The following EMC4 variants were observed in gnomAD, a reference collection of about 807,000 sequenced individuals.
EMC4 encodes the protein cell proliferation-inducing gene 17 protein.
A neutral mutation model predicts 24.2 loss-of-function variants in EMC4; 9 were observed. That is an observed-to-expected ratio of 0.37 (90% CI 0.22 to 0.65). The LOEUF is 0.65. EMC4 is among the 30% of genes least tolerant of loss of function. The pLI, the probability that EMC4 is intolerant of heterozygous loss-of-function variation, is 0.59. For synonymous variants in EMC4, 86 were observed against 81.1 expected, an observed-to-expected ratio of 1.06 and a Z score of -0.32; for missense variants, 169 against 234.6, an observed-to-expected ratio of 0.72 and a Z score of 1.83.
chr15:34,230,038 G>A lies in EMC4; in HGVS notation c.*250G>A. On this transcript the variant is annotated 3_prime_UTR_variant, in exon 5 of 5. Coordinates refer to ENST00000267750, the MANE Select transcript of EMC4 (RefSeq NM_016454.4). ...ACTTTATTTTTGTTTCCAGTACAGA[G>A]CAAAACAACAACAAAAAAACATAAC... 2.2e-6 allele frequency: 1 copy of A among 464,678 alleles called. No individual in the cohort carries two copies. The highest frequency in any genetic ancestry group is 4.1e-5 in the South Asian group (1 of 24,224). 28.8% of individuals were successfully genotyped at this position (464,678 alleles called of 1,614,324 possible). A position where few individuals can be genotyped will look rare whatever the true frequency, so the allele number is the denominator to read the frequency against.
In EMC4 at chr15:34,225,129, G is replaced by A. The variant is rs1196199935; in HGVS notation, c.15G>A (p.Gly5=). Residue 5 remains glycine, a synonymous_variant, in exon 1 of 5, where the codon GGG becomes GGA. Coordinates refer to ENST00000267750, the MANE Select transcript of EMC4 (RefSeq NM_016454.4). MTAQ[G]GLVANRGRRF... ...CAGCTGTTGCCATGACGGCCCAGGGGGGCCTGGTGGCTAACCGAGGCCGGC... is the reference window on the plus strand; with the variant it reads ...CAGCTGTTGCCATGACGGCCCAGGGAGGCCTGGTGGCTAACCGAGGCCGGC... The A allele has an allele frequency of 3.2e-6, 5 of 1,551,698 alleles. No individual in the cohort carries two copies. Among genetic ancestry groups the A allele is most frequent in the East Asian group, 2.4e-5 (1 of 40,920 alleles).
At chr15:34,226,981 A>G (rs914742628) in intron 2 of EMC4, 3 of 152,260 alleles carry the variant, frequency 2.0e-5, no homozygotes, top group African/African-American at 7.2e-5. Context: ...GCTATCATAT[A>G]AATCTATTTT....
rs376860384 is a variant in EMC4 at position 34,228,414 on chromosome 15, C to G, written c.356-15C>G. 27 of 1,611,672 alleles carry G rather than the reference C, an allele frequency of 1.7e-5. No individual in the cohort carries two copies. The East Asian group carries it at 5.6e-4, about 33-fold the overall frequency. On this transcript the variant is annotated splice_polypyrimidine_tract_variant and intron_variant, in intron 3 of 4. Transcript: ENST00000267750. ...AAGAGTTCTTTTGGTTTGACAACTT[C>G]TGTTACCGCAACAGCTTTCAAGATG...
At chr15:34,227,582 G>C in intron 2 of EMC4, 111 bp from the exon 3 acceptor site, 2 of 1,215,224 alleles carry the variant, frequency 1.6e-6, no homozygotes, top group Non-Finnish European at 1.2e-6. Context: ...AGTCAGCTCA[G>C]TTAGAAGCAG....
At chr15:34,229,726 CTATT>C (rs758063132) in intron 4 of EMC4, 23 bp from the exon 5 acceptor site, 15 of 1,259,614 alleles carry the variant, frequency 1.2e-5, no homozygotes, top group Middle Eastern at 1.9e-4. Flanking sequence ...TGCCACTCAC[CTATT>C]TATTCTTTCT....
At position 34,229,969 on chromosome 15, in the gene EMC4, C is replaced by CA; in HGVS notation, c.*184dup. ...GACAATGTGCATATTACGACAAACA[C>CA]AAAGAAACTATACCATAACCCAAGG... On this transcript the variant is annotated 3_prime_UTR_variant, in exon 5 of 5. Coordinates refer to ENST00000267750, the MANE Select transcript of EMC4 (RefSeq NM_016454.4). The CA allele has an allele frequency of 1.5e-6, 1 of 647,422 alleles. No homozygotes were observed. Among genetic ancestry groups the CA allele is most frequent in the Non-Finnish European group, 2.7e-6 (1 of 367,332 alleles). The allele number at this position is 647,422 out of a possible 1,614,324, so 40.1% of individuals were successfully genotyped here.
rs769169415 is a variant in EMC4, at chr15:34,225,575, C to T, written c.126C>T (p.Leu42=). 2 of 1,614,186 alleles carry T rather than the reference C, an allele frequency of 1.2e-6. No homozygotes were observed. The highest frequency in any genetic ancestry group is 1.6e-4 in the Middle Eastern group (1 of 6,062). The change falls in exon 2 of 5, where the codon CTC becomes CTT. Residue 42 remains leucine (L), a synonymous_variant. Coordinates refer to ENST00000267750, the MANE Select transcript of EMC4 (RefSeq NM_016454.4). ...SDRGSGQGDS[L]YPVGYLDKQV... ...GGGGCAGTGGCCAGGGAGACTCGCT[C>T]TACCCAGTCGGTTACTTGGACAAGC...
At chr15:34,225,369 A>T in intron 1 of EMC4, 167 bp from the exon 2 acceptor site, 1 of 775,220 alleles carries the variant, frequency 1.3e-6, no homozygotes, top group Non-Finnish European at 2.1e-6. Context: ...AACAATGCTT[A>T]CATCAGTCCT....
chr15:34,226,669 G>A (rs1217402794), intron 2 of EMC4: 1 of 152,150 alleles, frequency 6.6e-6, no homozygotes, highest in African/African-American at 2.4e-5. Flanking sequence ...AGCCTCCCGA[G>A]TAGCTGGGAT....
At chr15:34,228,627 G>A (rs200836104) in intron 4 of EMC4, 38 bp downstream of exon 4, 267 of 1,503,198 alleles carry the variant, frequency 1.8e-4, no homozygotes, top group Non-Finnish European at 2.3e-4. Context: ...GGTAGTTGTA[G>A]TATACAGTGA....
At chr15:34,225,233 T>C in intron 1 of EMC4, 33 bp downstream of exon 1, 2 of 1,507,900 alleles carry the variant, frequency 1.3e-6, no homozygotes, top group Non-Finnish European at 1.8e-6. Flanking sequence ...ACATCACTGT[T>C]CATCCCAGAA....
chr15:34,225,678 C>T (rs1304836079), intron 2 of EMC4, 28 bp downstream of exon 2: 9 of 1,551,200 alleles, frequency 5.8e-6, no homozygotes, highest in Non-Finnish European at 8.0e-6. Flanking sequence ...TTACCGTAGC[C>T]CATGGGCCAG....
At chr15:34,229,732 A>G in intron 4 of EMC4, 21 bp from the exon 5 acceptor site, 1 of 1,409,044 alleles carries the variant, frequency 7.1e-7, no homozygotes, top group Non-Finnish European at 9.9e-7. Context: ...TCACCTATTT[A>G]TTCTTTCTTT....
At position 34,225,060 on chromosome 15, in the gene EMC4, T is replaced by A; in HGVS notation, c.-55T>A. ...AAGCGGAGAACGCTGGTGGGCCTGT[T>A]GTGGAGTACGCTTTGGACTGAGAAG... On this transcript the variant is annotated 5_prime_UTR_variant, in exon 1 of 5. Coordinates refer to ENST00000267750, the MANE Select transcript of EMC4 (RefSeq NM_016454.4). 10 of 1,425,366 alleles carry A rather than the reference T, an allele frequency of 7.0e-6. No individual in the cohort carries two copies. The South Asian group carries it at 1.2e-4, about 17-fold the overall frequency. The allele number at this position is 1,425,366 out of a possible 1,614,324, so 88.3% of individuals were successfully genotyped here.
chr15:34,228,968 G>A (rs529921720), intron 4 of EMC4: 17 of 196,570 alleles, frequency 8.6e-5, no homozygotes, highest in East Asian at 3.2e-4. Flanking sequence ...GATTACAGGC[G>A]TGAGCCACTG....
rs1429708660 is a variant in EMC4, at chr15:34,229,948, A to G, written c.*160A>G. 1 of 698,292 alleles carries G rather than the reference A, an allele frequency of 1.4e-6. No individual in the cohort carries two copies. The highest frequency in any genetic ancestry group is 2.5e-6 in the Non-Finnish European group (1 of 393,130). The allele number at this position is 698,292 out of a possible 1,614,324, so 43.3% of individuals were successfully genotyped here. ...TGGGGTGACAGGTCCTAGAAGGACA[A>G]TGTGCATATTACGACAAACACAAAG... On this transcript the variant is annotated 3_prime_UTR_variant, in exon 5 of 5. Coordinates refer to ENST00000267750, the MANE Select transcript of EMC4 (RefSeq NM_016454.4).
chr15:34,225,195 C>T lies in EMC4; in HGVS notation c.81C>T (p.Gly27=). The change falls in exon 1 of 5, where the codon GGC becomes GGT. Residue 27 remains glycine (G), a synonymous_variant. Coordinates refer to ENST00000267750, the MANE Select transcript of EMC4 (RefSeq NM_016454.4). The stretch of plus-strand genomic sequence containing the variant: ...TTGAGCTAAGCGGGCCTGGAGGAGG[C>T]AGCAGGTGAGGCACCTGGGCAAGCT... ...WAIELSGPGG[G]SRGRSDRGSG... is the part of the protein sequence containing the mutation. The T allele has an allele frequency of 6.5e-7, 1 of 1,549,850 alleles. No homozygotes were observed.
chr15:34,229,558 C>T (rs1890778063), intron 4 of EMC4, 195 bp from the exon 5 acceptor site: 1 of 539,886 alleles, frequency 1.9e-6, no homozygotes, highest in Non-Finnish European at 3.3e-6. Context: ...GTCTTGAACT[C>T]CTGGGCTCAA....
chr15:34,225,632 C>T lies in EMC4; in HGVS notation c.183C>T (p.Asp61=), dbSNP rs1184151504. The change falls in exon 2 of 5, where the codon GAC becomes GAT. Residue 61 remains aspartate, a synonymous_variant. Transcript: ENST00000267750. ...CTGATACCAGCGTGCAAGAGACAGA[C>T]CGGATCCTGGTGGAGAAGGTACAGA... ...QVPDTSVQET[D]RILVEKRCWD... 2 of 1,613,860 alleles carry T rather than the reference C, an allele frequency of 1.2e-6. No individual in the cohort carries two copies. The highest frequency in any genetic ancestry group is 1.7e-6 in the Non-Finnish European group (2 of 1,179,812).
Sources: gnomAD v4.1 joint callset for allele counts on GRCh38, gnomAD v4.1.1 for gene constraint, MANE v1.5 for transcripts, NCBI Gene and HGNC (gene_info 2026-07-23, HGNC 2026-07-21) for gene names.